INTS8: variants seen among roughly 807,000 people sequenced by gnomAD.
The protein encoded by INTS8 is integrator complex subunit 8.
In INTS8, 47 loss-of-function variants were observed where a neutral mutation model predicts 138.9. That is an observed-to-expected ratio of 0.34 (90% confidence interval 0.27 to 0.43). The LOEUF is 0.43. Ranked by LOEUF, INTS8 falls within the 20% of genes least tolerant of loss-of-function variation. INTS8 has a pLI of 1.00. For synonymous variants in INTS8, 392 were observed against 400.9 expected (o/e 0.98, Z 0.27); for missense variants, 996 against 1,173.0 (o/e 0.85, Z 2.20).
chr8:94,827,215 G>C, intron 2 of INTS8, 48 bp from the exon 3 acceptor site: 1 of 1,556,368 alleles, frequency 6.4e-7, no homozygotes, highest in Non-Finnish European at 8.8e-7. Flanking sequence ...TGTATTTTGT[G>C]TTTCTTTCAC....
At chr8:94,869,254 TA>T (rs1216029283) in intron 20 of INTS8, among the ~76,000 whole-genome samples, 2 of 151,934 alleles carry the variant, frequency 1.3e-5, no homozygotes, top group Non-Finnish European at 2.9e-5. Flanking sequence ...GTGCTGGGAT[TA>T]ACAGGCGTGA....
intron 23 of INTS8, among the ~76,000 whole-genome samples, chr8:94,875,596 T>C (rs1053622942): frequency 6.6e-6 from 1 of 152,186 alleles, no homozygotes; most frequent in Non-Finnish European, 1.5e-5. Context: ...TTGGGTACTT[T>C]AAGAGGGTAA....
chr8:94,871,138 A>G (rs1261118820), intron 20 of INTS8, among the ~76,000 whole-genome samples: 1 of 152,008 alleles, frequency 6.6e-6, no homozygotes, highest in East Asian at 1.9e-4. Flanking sequence ...TGAGTCCTTG[A>G]TTTTTATGTA....
At chr8:94,831,857 G>A in intron 5 of INTS8, 135 bp from the exon 6 acceptor site, 1 of 548,442 alleles carries the variant, frequency 1.8e-6, no homozygotes, top group Non-Finnish European at 3.1e-6. Flanking sequence ...TTCAACAAAT[G>A]TAATTGTACT....
chr8:94,874,654 A>C, intron 23 of INTS8, 52 bp downstream of exon 23: 1 of 1,008,878 alleles, frequency 9.9e-7, no homozygotes, highest in Non-Finnish European at 1.5e-6. Flanking sequence ...GTTAGAGTTT[A>C]TAATAAATAT....
At chr8:94,858,423 G>A (rs1815832233) in intron 15 of INTS8, among the ~76,000 whole-genome samples, 1 of 152,154 alleles carries the variant, frequency 6.6e-6, no homozygotes, top group Non-Finnish European at 1.5e-5. Context: ...GTCTTCATGA[G>A]GATTGATCTA....
intron 14 of INTS8, 49 bp downstream of exon 14, chr8:94,853,964 C>A: frequency 2.6e-6 from 3 of 1,172,034 alleles, no homozygotes; most frequent in South Asian, 1.2e-5. Flanking sequence ...GCTTTATGGT[C>A]AGGTGCCGTG....
chr8:94,840,517 A>G (rs1482955409), intron 8 of INTS8, among the ~76,000 whole-genome samples: 1 of 151,886 alleles, frequency 6.6e-6, no homozygotes, highest in Non-Finnish European at 1.5e-5. Context: ...AATTTATTAT[A>G]ATCACTTGTT....
At chr8:94,825,304 C>T (rs1814451849) in intron 2 of INTS8, among the ~76,000 whole-genome samples, 1 of 151,820 alleles carries the variant, frequency 6.6e-6, no homozygotes, top group South Asian at 2.1e-4. Flanking sequence ...TGGTGGCGGG[C>T]GCCTGTAATT....
In INTS8 at chr8:94,823,457, A is replaced by G; in HGVS notation, c.26A>G (p.Glu9Gly). 6.5e-7 allele frequency: 1 copy of G among 1,541,850 alleles called. No homozygotes were observed. Among genetic ancestry groups the G allele is most frequent in the Non-Finnish European group, 8.7e-7 (1 of 1,144,076 alleles). Residue 9 changes from glutamate to glycine, a missense_variant, in exon 1 of 27, where the codon GAG (glutamate) becomes GGG (glycine). Glu to Gly is a moderately conservative substitution (Grantham distance 98). Coordinates refer to ENST00000523731, the MANE Select transcript of INTS8 (RefSeq NM_017864.4). Reference sequence around the variant, plus strand: ...ATGAGCGCGGAGGCGGCGGACCGGGAGGCGGCCACCTCCAGCCGGCCCTGC... The same window carrying G: ...ATGAGCGCGGAGGCGGCGGACCGGGGGGCGGCCACCTCCAGCCGGCCCTGC... MSAEAADR[E>G]AATSSRPCTP...
intron 1 of INTS8, among the ~76,000 whole-genome samples, chr8:94,824,081 G>C (rs1042991561): frequency 1.3e-5 from 2 of 152,188 alleles, no homozygotes; most frequent in African/African-American, 4.8e-5. Flanking sequence ...TTTGAAAGTA[G>C]GAACTGCTGC....
intron 20 of INTS8, chr8:94,867,902 T>C (rs1816241913): frequency 6.6e-6 from 1 of 152,212 alleles, no homozygotes; most frequent in East Asian, 1.9e-4. Context: ...TTCAGTAGAA[T>C]TGGAAAATTG....
chr8:94,865,117 A>G (rs1816128486), intron 16 of INTS8, among the ~76,000 whole-genome samples: 1 of 151,962 alleles, frequency 6.6e-6, no homozygotes, highest in Admixed American at 6.6e-5. Flanking sequence ...CTTTTACCAC[A>G]GTTAACATCT....
chr8:94,835,554 G>A (rs986448673), intron 6 of INTS8, among the ~76,000 whole-genome samples: 6 of 151,662 alleles, frequency 4.0e-5, no homozygotes, highest in Non-Finnish European at 7.4e-5. Flanking sequence ...TCCCTCTCCT[G>A]TGTTAGAAAA....
In INTS8 at chr8:94,878,884, C is replaced by T. The variant is rs531883615; in HGVS notation, c.2872-1234C>T. Among the ~76,000 whole-genome samples the T allele has an allele frequency of 4.6e-5, 7 of 152,226 alleles. No homozygotes were observed. In the South Asian group the frequency reaches 1.5e-3, roughly 32 times the overall value. On this transcript the variant is annotated intron_variant, in intron 26 of 26. Transcript: ENST00000523731. Reference sequence around the variant, plus strand: ...CCCTGACATCATTTTTATTGGATTACTTTCTCTATTTCTTCCTTTTTGTTT... The same window carrying T: ...CCCTGACATCATTTTTATTGGATTATTTTCTCTATTTCTTCCTTTTTGTTT...
rs1563635507 is a variant in INTS8, at chr8:94,823,337, C to T, written c.-95C>T. 2 of 1,511,714 alleles carry T rather than the reference C, an allele frequency of 1.3e-6. No homozygotes were observed. Among genetic ancestry groups the T allele is most frequent in the Admixed American group, 2.1e-5 (1 of 47,346 alleles). The allele number at this position is 1,511,714 out of a possible 1,614,324, so 93.6% of individuals were successfully genotyped here. On this transcript the variant is annotated 5_prime_UTR_variant, in exon 1 of 27. Coordinates refer to ENST00000523731, the MANE Select transcript of INTS8 (RefSeq NM_017864.4). ...GGGACGTTCGGAGGGTGGCCTCTCT[C>T]CCACCGGGTTCCGCATACCCCAGGC... is the stretch of plus-strand genomic sequence containing the variant.
chr8:94,865,541 T>C lies in INTS8; in HGVS notation c.2112T>C (p.Leu704=), dbSNP rs1816149036. The C allele has an allele frequency of 6.2e-7, 1 of 1,613,928 alleles. No individual in the cohort carries two copies. The highest frequency in any genetic ancestry group is 1.3e-5 in the African/African-American group (1 of 74,924). Residue 704 remains leucine, a synonymous_variant, in exon 17 of 27, where the codon CTT becomes CTC. Coordinates refer to ENST00000523731, the MANE Select transcript of INTS8 (RefSeq NM_017864.4). ...TTTTAGCAGCTACATGCAAAGAACT[T>C]CCAGGCCCTAAAGAAAGTAGACGGA... is the stretch of plus-strand genomic sequence containing the variant. ...GQLLAATCKE[L]PGPKESRRTA... is the part of the protein sequence containing the mutation.
chr8:94,848,653 A>G (rs1217376454), intron 10 of INTS8, among the ~76,000 whole-genome samples: 2 of 152,118 alleles, frequency 1.3e-5, no homozygotes, highest in East Asian at 1.9e-4. Context: ...TTCACTTTTT[A>G]TGGCTGAATA....
At chr8:94,868,972 A>C (rs1172329070) in intron 20 of INTS8, among the ~76,000 whole-genome samples, 1 of 129,776 alleles carries the variant, frequency 7.7e-6, no homozygotes, top group African/African-American at 3.0e-5. Flanking sequence ...ATGCCCACCC[A>C]GTTTTGGATT....
Sources: gnomAD v4.1 joint callset for allele counts (sites outside exome capture counted in the v4.1 genomes callset) on GRCh38, gnomAD v4.1.1 for gene constraint, MANE v1.5 for transcripts, NCBI Gene and HGNC (gene_info 2026-07-23, HGNC 2026-07-21) for gene names.